CUBN: variants seen among roughly 807,000 people sequenced by gnomAD.
The protein encoded by CUBN is cubilin.
CUBN carries 282 observed loss-of-function variants against 405.3 expected under a neutral mutation model. That is an observed-to-expected ratio of 0.70 (90% confidence interval 0.63 to 0.77). The LOEUF (loss-of-function observed/expected upper bound fraction) is 0.77. CUBN is among the 30% of genes least tolerant of loss of function. The pLI is 0.00. For synonymous variants in CUBN, 1,684 were observed against 1,617.0 expected (o/e 1.04, Z -0.99); for missense variants, 4,514 against 4,475.2 (o/e 1.01, Z -0.25).
At chr10:16,900,501 T>C (rs974382120) in intron 53 of CUBN, 124 bp downstream of exon 53, 22 of 782,164 alleles carry the variant, frequency 2.8e-5, no homozygotes, top group Non-Finnish European at 3.1e-5. Flanking sequence ...GGTTGCTGCA[T>C]GAGATGACAT....
intron 60 of CUBN, among the ~76,000 whole-genome samples, chr10:16,848,086 G>GA (rs150536482): frequency 0.023 from 3,443 of 152,084 alleles, 147 homozygotes; most frequent in African/African-American, 0.078. Context: ...GAATTTATTT[G>GA]AAAAAAACGA....
At chr10:17,120,707 G>C (rs1001698066) in intron 6 of CUBN, among the ~76,000 whole-genome samples, 1 of 152,160 alleles carries the variant, frequency 6.6e-6, no homozygotes, top group South Asian at 2.1e-4. Flanking sequence ...AATAGTAAAA[G>C]GGTTTTTGTT....
intron 55 of CUBN, among the ~76,000 whole-genome samples, 187 bp downstream of exon 55, chr10:16,890,184 C>A (rs1182820471): frequency 6.6e-6 from 1 of 152,092 alleles, no homozygotes; most frequent in Non-Finnish European, 1.5e-5. Flanking sequence ...GCTTTTATAT[C>A]ACTTCTCAAT....
chr10:16,893,153 C>G (rs192931492), intron 54 of CUBN, among the ~76,000 whole-genome samples: 1 of 152,076 alleles, frequency 6.6e-6, no homozygotes, highest in African/African-American at 2.4e-5. Flanking sequence ...TCTTAGTGTT[C>G]TATATAATTC....
At chr10:17,005,143 T>C (rs944006849) in intron 28 of CUBN, among the ~76,000 whole-genome samples, 1 of 152,188 alleles carries the variant, frequency 6.6e-6, no homozygotes, top group Admixed American at 6.5e-5. Flanking sequence ...TGGTGGTCTT[T>C]CCCTGATGGC....
chr10:16,852,970 A>G lies in CUBN; in HGVS notation c.9455-1527T>C, dbSNP rs190163756. On this transcript the variant is annotated intron_variant, in intron 59 of 66. Coordinates refer to ENST00000377833, the MANE Select transcript of CUBN (RefSeq NM_001081.4). The stretch of plus-strand genomic sequence containing the variant: ...AAAACATGAGAAGCTAAAGGAAAAA[A>G]TCTTTATAGAAGAAAAAGGCCTTCT... Among the ~76,000 whole-genome samples, 1,227 of 152,346 alleles carry G rather than the reference A, an allele frequency of 8.1e-3. 7 individuals carry two copies. Among genetic ancestry groups the G allele is most frequent in the Non-Finnish European group, 0.014 (948 of 68,030 alleles).
At chr10:16,856,641 T>C (rs1203464607) in intron 59 of CUBN, among the ~76,000 whole-genome samples, 1 of 152,170 alleles carries the variant, frequency 6.6e-6, no homozygotes, top group Non-Finnish European at 1.5e-5. Context: ...TTTGGAGAAT[T>C]GACATTTTTG....
At chr10:17,115,191 C>T (rs1308884813) in intron 7 of CUBN, among the ~76,000 whole-genome samples, 1 of 146,796 alleles carries the variant, frequency 6.8e-6, no homozygotes, top group African/African-American at 2.5e-5. Flanking sequence ...TTGCAGTGAG[C>T]TGAGATCGTG....
At chr10:16,924,256 G>A (rs1239362956) in intron 43 of CUBN, among the ~76,000 whole-genome samples, 2 of 152,120 alleles carry the variant, frequency 1.3e-5, no homozygotes, top group African/African-American at 4.8e-5. Context: ...GAGATGGAGG[G>A]ATGAGAAGGT....
intron 36 of CUBN, among the ~76,000 whole-genome samples, chr10:16,945,794 A>G (rs1303060754): frequency 6.6e-6 from 1 of 150,966 alleles, no homozygotes; most frequent in East Asian, 1.9e-4. Flanking sequence ...AAAAAAAGAC[A>G]AACCAAAACC....
At position 17,105,450 on chromosome 10, in the gene CUBN, G is replaced by C; in HGVS notation, c.1230+7C>G. ...CTCTCTGTCCACAGGAAAAACAAAG[G>C]ACTCACGATGCATTGTCCATTTAGA... On this transcript the variant is annotated splice_region_variant and intron_variant, in intron 11 of 66. Transcript: ENST00000377833. 6.8e-7 allele frequency: 1 copy of C among 1,473,380 alleles called. No homozygotes were observed. The highest frequency in any genetic ancestry group is 9.5e-7 in the Non-Finnish European group (1 of 1,050,538). 91.3% of individuals were successfully genotyped at this position (1,473,380 alleles called of 1,614,324 possible). A position where few individuals can be genotyped will look rare whatever the true frequency, so the allele number is the denominator to read the frequency against.
chr10:16,887,477 C>T (rs1303889151), intron 56 of CUBN, among the ~76,000 whole-genome samples: 2 of 152,176 alleles, frequency 1.3e-5, no homozygotes, highest in African/African-American at 4.8e-5. Flanking sequence ...TAGACTTCTG[C>T]CTCTACTTAC....
At chr10:16,853,364 A>T (rs973811449) in intron 59 of CUBN, among the ~76,000 whole-genome samples, 1 of 152,190 alleles carries the variant, frequency 6.6e-6, no homozygotes, top group Admixed American at 6.5e-5. Flanking sequence ...TATTTTTCTC[A>T]TTCCATTTTC....
intron 28 of CUBN, among the ~76,000 whole-genome samples, chr10:17,016,691 G>T (rs1297105042): frequency 6.6e-6 from 1 of 152,020 alleles, no homozygotes; most frequent in Non-Finnish European, 1.5e-5. Context: ...ATATCCCGGG[G>T]GTTTTTGTGG....
Position 16,906,192 on chromosome 10 carries a change from A to T in CUBN, c.7912+11T>A. 1 of 1,590,652 alleles carries T rather than the reference A, an allele frequency of 6.3e-7. No individual in the cohort carries two copies. ...GATAAATGGGAAAACGCATTCTTAGATAGAACTCACCCACTCGAAACTCGA... is the reference window on the plus strand; with the variant it reads ...GATAAATGGGAAAACGCATTCTTAGTTAGAACTCACCCACTCGAAACTCGA... On this transcript the variant is annotated intron_variant, in intron 50 of 66. Transcript: ENST00000377833.
Position 17,127,939 on chromosome 10 carries a change from A to C in CUBN, c.253-15T>G. ...TTTTTCTGGATCTAATTTTAGAAAA[A>C]GAAGAAGAAATGAAGAGCACTAGTG... On this transcript the variant is annotated splice_polypyrimidine_tract_variant and intron_variant, in intron 2 of 66. Coordinates refer to ENST00000377833, the MANE Select transcript of CUBN (RefSeq NM_001081.4). 6.5e-7 allele frequency: 1 copy of C among 1,539,476 alleles called. No individual in the cohort carries two copies. The highest frequency in any genetic ancestry group is 1.1e-5 in the South Asian group (1 of 89,032).
chr10:16,907,506 AC>A lies in CUBN; in HGVS notation c.7705+1del. Reference sequence around the variant, plus strand: ...GGGGGCATTTACAACATCCTACATTACCTGCATCTTCACTGGAGGTATAGGA... The same window carrying A: ...GGGGGCATTTACAACATCCTACATTACTGCATCTTCACTGGAGGTATAGGA... On this transcript the variant is annotated splice_donor_variant, in intron 49 of 66. Transcript: ENST00000377833. LOFTEE classifies it high-confidence loss of function. 6.2e-7 allele frequency: 1 copy of A among 1,614,132 alleles called. No individual in the cohort carries two copies. The highest frequency in any genetic ancestry group is 8.5e-7 in the Non-Finnish European group (1 of 1,180,014).
intron 31 of CUBN, among the ~76,000 whole-genome samples, chr10:16,967,772 GGAGAAAGAGAGAGAAGGAGAGACGGAGA>G (rs1843433174): frequency 6.8e-6 from 1 of 146,100 alleles, no homozygotes; most frequent in Admixed American, 6.9e-5. Flanking sequence ...AGAGAAGGAG[GGAGAAAGAGAGAGAAGGAGAGACGGAGA>G]GAGAAAGAAG....
chr10:16,922,451 A>G (rs575900830), intron 43 of CUBN, among the ~76,000 whole-genome samples: 181 of 152,114 alleles, frequency 1.2e-3, no homozygotes, highest in African/African-American at 3.9e-3. Flanking sequence ...CCCATCTCCA[A>G]TGTTTTCAGT....
Sources: gnomAD v4.1 joint callset for allele counts (sites outside exome capture counted in the v4.1 genomes callset) on GRCh38, gnomAD v4.1.1 for gene constraint, MANE v1.5 for transcripts, NCBI Gene and HGNC (gene_info 2026-07-23, HGNC 2026-07-21) for gene names.